CEP43: variants seen among roughly 807,000 people sequenced by gnomAD.
CEP43 encodes centrosomal protein 43.
CEP43 carries 36 observed loss-of-function variants against 52.6 expected under a neutral mutation model. The observed-to-expected ratio is 0.68, with a 90% CI of 0.52 to 0.90. The LOEUF is 0.90. Among genes scored for constraint, CEP43 ranks in the 40% least tolerant of loss-of-function variants. The pLI is 0.00. For missense variants in CEP43, 506 were observed against 472.8 expected (o/e 1.07, Z -0.65); for synonymous variants, 192 against 172.4 (o/e 1.11, Z -0.89).
rs1285159828 is a variant in CEP43, at chr6:167,051,397, T to C, written c.*11419T>C. 6.6e-6 allele frequency: 1 copy of C among 152,294 alleles called. No individual in the cohort carries two copies. The highest frequency in any genetic ancestry group is 1.5e-5 in the Non-Finnish European group (1 of 68,100). The allele number at this position is 152,294 out of a possible 1,614,324, so 9.4% of individuals were successfully genotyped here. A position where few individuals can be genotyped will look rare whatever the true frequency, so the allele number is the denominator to read the frequency against. ...CTAAACTATAAACTATAATCGTTTG[T>C]CCCAAAGTTAGCTTGGCCCATGCCC... is the stretch of plus-strand genomic sequence containing the variant. On this transcript the variant is annotated 3_prime_UTR_variant, in exon 13 of 13. Coordinates refer to ENST00000366847, the MANE Select transcript of CEP43 (RefSeq NM_007045.4).
At chr6:167,019,805 A>G (rs569703594) in intron 7 of CEP43, among the ~76,000 whole-genome samples, 3 of 152,290 alleles carry the variant, frequency 2.0e-5, no homozygotes, top group African/African-American at 7.2e-5. Flanking sequence ...TTGATACTAG[A>G]TAGTTCATTA....
rs766026263 is a variant in CEP43, at chr6:167,049,560, T to G, written c.*9582T>G. 8 of 152,256 alleles carry G rather than the reference T, an allele frequency of 5.3e-5. No individual in the cohort carries two copies. Among genetic ancestry groups the G allele is most frequent in the Non-Finnish European group, 1.2e-4 (8 of 68,046 alleles). The allele number at this position is 152,256 out of a possible 1,614,324, so 9.4% of individuals were successfully genotyped here. A position where few individuals can be genotyped will look rare whatever the true frequency, so the allele number is the denominator to read the frequency against. ...TGTCAGTACTTCATTTATTTTTGTTTCCTAACAATACTCCATTGTAGGGAT... is the reference window on the plus strand; with the variant it reads ...TGTCAGTACTTCATTTATTTTTGTTGCCTAACAATACTCCATTGTAGGGAT... On this transcript the variant is annotated 3_prime_UTR_variant, in exon 13 of 13. Transcript: ENST00000366847.
chr6:167,022,284 AC>A, intron 7 of CEP43, 124 bp from the exon 8 acceptor site: 2 of 650,232 alleles, frequency 3.1e-6, no homozygotes, highest in East Asian at 2.7e-5. Context: ...ACACACACAC[AC>A]ACACACACAC....
intron 8 of CEP43, among the ~76,000 whole-genome samples, chr6:167,022,858 C>A (rs1435258026): frequency 6.7e-6 from 1 of 149,976 alleles, no homozygotes; most frequent in Non-Finnish European, 1.5e-5. Flanking sequence ...GAGTGTCAGC[C>A]ACTTGCCAGG....
At chr6:167,023,885 G>A (rs1477379405) in intron 8 of CEP43, among the ~76,000 whole-genome samples, 1 of 152,146 alleles carries the variant, frequency 6.6e-6, no homozygotes, top group African/African-American at 2.4e-5. Context: ...AAGACAGACA[G>A]GAAAGGATTG....
intron 6 of CEP43, 60 bp downstream of exon 6, chr6:167,010,953 TTC>T (rs2128659901): frequency 2.1e-6 from 2 of 936,146 alleles, no homozygotes; most frequent in African/African-American, 1.7e-5. Flanking sequence ...TGCTCTGCTT[TTC>T]TCTCTCTAGT....
chr6:167,002,490 G>C (rs925324854), intron 2 of CEP43, among the ~76,000 whole-genome samples: 4 of 152,148 alleles, frequency 2.6e-5, no homozygotes, highest in Admixed American at 6.6e-5. Flanking sequence ...AATATGTAGA[G>C]GTGAAGTGAC....
At chr6:167,032,520 T>A (rs1269801729) in intron 10 of CEP43, 83 bp from the exon 11 acceptor site, 4 of 1,259,976 alleles carry the variant, frequency 3.2e-6, no homozygotes, top group Admixed American at 2.5e-5. Context: ...ATATAATTAA[T>A]TTTTTTTAAG....
intron 12 of CEP43, among the ~76,000 whole-genome samples, chr6:167,037,602 G>A (rs1336259100): frequency 1.3e-5 from 2 of 152,174 alleles, no homozygotes; most frequent in Admixed American, 6.5e-5. Flanking sequence ...CAAGAGAAAG[G>A]GCAAGGACTT....
chr6:167,029,041 T>C (rs147710822), intron 10 of CEP43, among the ~76,000 whole-genome samples: 21 of 152,376 alleles, frequency 1.4e-4, no homozygotes, highest in African/African-American at 5.0e-4. Context: ...GTGGATGGCA[T>C]GTACTGTCTC....
chr6:167,017,183 G>A (rs922253776), intron 7 of CEP43, among the ~76,000 whole-genome samples: 2 of 151,842 alleles, frequency 1.3e-5, no homozygotes, highest in East Asian at 3.9e-4. Flanking sequence ...TTTTAGTAGA[G>A]ACGGGGTTTC....
chr6:167,015,405 A>G (rs1296919737), intron 7 of CEP43, among the ~76,000 whole-genome samples: 1 of 152,202 alleles, frequency 6.6e-6, no homozygotes, highest in African/African-American at 2.4e-5. Flanking sequence ...TTGTGCATGC[A>G]GTGAGTTCCC....
At chr6:167,028,530 T>C (rs1400416041) in intron 10 of CEP43, 1 of 981,878 alleles carries the variant, frequency 1.0e-6, no homozygotes, top group Non-Finnish European at 1.2e-6. Context: ...TTGGGTTGTT[T>C]ACATTTTAAA....
Position 167,045,938 on chromosome 6 carries a change from C to T in CEP43, c.*5960C>T, listed in dbSNP as rs566983344. The T allele has an allele frequency of 6.7e-4, 102 of 152,002 alleles. No individual in the cohort carries two copies. The highest frequency in any genetic ancestry group is 9.7e-4 in the African/African-American group (40 of 41,390). The allele number at this position is 152,002 out of a possible 1,614,324, so 9.4% of individuals were successfully genotyped here. ...TGCCCCAGCACCCCTACTGCCCATG[C>T]GCCTCTCCTGCCCCAGCACCCCTAC... On this transcript the variant is annotated 3_prime_UTR_variant, in exon 13 of 13. Coordinates refer to ENST00000366847, the MANE Select transcript of CEP43 (RefSeq NM_007045.4).
chr6:167,042,233 G>A lies in CEP43; in HGVS notation c.*2255G>A. 2.0e-6 allele frequency: 2 copies of A among 1,006,764 alleles called. No individual in the cohort carries two copies. The highest frequency in any genetic ancestry group is 2.4e-6 in the Non-Finnish European group (2 of 841,844). The allele number at this position is 1,006,764 out of a possible 1,614,324, so 62.4% of individuals were successfully genotyped here. On this transcript the variant is annotated 3_prime_UTR_variant, in exon 13 of 13. Transcript: ENST00000366847. ...TTATCAACTTATGAAACTTGAAGAT[G>A]TGAAGTGACAGGTTTTGCATGTGAT...
intron 5 of CEP43, among the ~76,000 whole-genome samples, chr6:167,009,533 A>G (rs1779935955): frequency 7.6e-6 from 1 of 131,756 alleles, no homozygotes; most frequent in African/African-American, 2.8e-5. Context: ...AAAAAAATAC[A>G]AGGAATTAGC....
chr6:167,007,305 C>T (rs1779876936), intron 5 of CEP43, among the ~76,000 whole-genome samples: 1 of 152,088 alleles, frequency 6.6e-6, no homozygotes, highest in African/African-American at 2.4e-5. Context: ...CATTCTGACT[C>T]GTGGATTTGA....
chr6:167,018,977 T>C (rs1780163416), intron 7 of CEP43, among the ~76,000 whole-genome samples: 4 of 152,156 alleles, frequency 2.6e-5, no homozygotes, highest in African/African-American at 9.7e-5. Flanking sequence ...ATAGCATACG[T>C]TGAGTTTTGA....
chr6:167,008,038 C>T (rs1400373518), intron 5 of CEP43, among the ~76,000 whole-genome samples: 1 of 152,082 alleles, frequency 6.6e-6, no homozygotes, highest in African/African-American at 2.4e-5. Context: ...AGTGACTGCA[C>T]TGCCGACTCA....
Sources: gnomAD v4.1 joint callset for allele counts (sites outside exome capture counted in the v4.1 genomes callset) on GRCh38, gnomAD v4.1.1 for gene constraint, MANE v1.5 for transcripts, NCBI Gene and HGNC (gene_info 2026-07-23, HGNC 2026-07-21) for gene names.